The following GRM1 variants were observed in gnomAD, a reference collection of about 807,000 sequenced individuals.
GRM1 encodes glutamate metabotropic receptor 1, also known as metabotropic glutamate receptor 1.
GRM1 carries 33 observed loss-of-function variants against 90.9 expected under a neutral mutation model. The observed-to-expected ratio is 0.36, with a 90% confidence interval of 0.28 to 0.49. The LOEUF (loss-of-function observed/expected upper bound fraction) is 0.49, where lower values mean the gene tolerates loss of function less well. Among genes scored for constraint, GRM1 ranks in the 20% least tolerant of loss-of-function variants. GRM1 has a pLI of 0.99. For synonymous variants in GRM1, 700 were observed against 613.2 expected (o/e 1.14, Z -2.09); for missense variants, 1,190 against 1,534.3 (o/e 0.78, Z 3.75).
intron 2 of GRM1, among the ~76,000 whole-genome samples, chr6:146,184,182 A>C (rs1778643473): frequency 6.6e-6 from 1 of 152,152 alleles, no homozygotes; most frequent in African/African-American, 2.4e-5. Flanking sequence ...GTTTTTCCCT[A>C]ACTTGTTTTA....
At chr6:146,426,519 C>G (rs1047734221) in intron 7 of GRM1, 1 of 1,581,938 alleles carries the variant, frequency 6.3e-7, no homozygotes, top group Non-Finnish European at 8.6e-7. Flanking sequence ...CATGTATAAC[C>G]CCCTCGCTCA....
At chr6:146,377,833 G>A (rs1194098578) in intron 5 of GRM1, among the ~76,000 whole-genome samples, 2 of 152,116 alleles carry the variant, frequency 1.3e-5, no homozygotes, top group African/African-American at 4.8e-5. Flanking sequence ...ATGGGCCAAG[G>A]TAGAGCTCAA....
intron 3 of GRM1, among the ~76,000 whole-genome samples, chr6:146,305,631 G>A (rs1457497503): frequency 6.6e-6 from 1 of 152,136 alleles, no homozygotes; most frequent in Non-Finnish European, 1.5e-5. Context: ...TTCTTACTGG[G>A]TCGATAGCAT....
At chr6:146,405,669 A>AGAGACAGC (rs940778021) in intron 7 of GRM1, among the ~76,000 whole-genome samples, 6 of 151,940 alleles carry the variant, frequency 3.9e-5, no homozygotes, top group African/African-American at 1.5e-4. Context: ...TAGCAATGAT[A>AGAGACAGC]GAGACAGCGA....
intron 1 of GRM1, among the ~76,000 whole-genome samples, chr6:146,098,545 G>A (rs1309052499): frequency 6.6e-6 from 1 of 151,926 alleles, no homozygotes; most frequent in African/African-American, 2.4e-5. Flanking sequence ...ATAACTAAAC[G>A]TGTTGTATAG....
At chr6:146,221,687 T>A (rs1780069165) in intron 2 of GRM1, among the ~76,000 whole-genome samples, 1 of 152,140 alleles carries the variant, frequency 6.6e-6, no homozygotes, top group Non-Finnish European at 1.5e-5. Context: ...GTAGAATGAT[T>A]TATAATCCTT....
At chr6:146,196,168 AAT>A (rs1219084892) in intron 2 of GRM1, among the ~76,000 whole-genome samples, 1 of 152,174 alleles carries the variant, frequency 6.6e-6, no homozygotes, top group Non-Finnish European at 1.5e-5. Flanking sequence ...AGTGATGGGT[AAT>A]TATATGCCTT....
At chr6:146,228,395 C>G (rs1780327116) in intron 2 of GRM1, among the ~76,000 whole-genome samples, 1 of 152,110 alleles carries the variant, frequency 6.6e-6, no homozygotes, top group Non-Finnish European at 1.5e-5. Flanking sequence ...AGGGGTTAGG[C>G]TCACTTTTAT....
At chr6:146,198,753 C>A (rs967461665) in intron 2 of GRM1, among the ~76,000 whole-genome samples, 4 of 152,170 alleles carry the variant, frequency 2.6e-5, no homozygotes, top group African/African-American at 9.7e-5. Context: ...ATGGGCATTC[C>A]TTGTCCCCAG....
chr6:146,216,834 C>T (rs1463129052), intron 2 of GRM1, among the ~76,000 whole-genome samples: 3 of 152,140 alleles, frequency 2.0e-5, no homozygotes, highest in Non-Finnish European at 1.5e-5. Context: ...AGCTAAGCAC[C>T]ACCTGCTGGA....
chr6:146,363,829 G>A (rs1775581705), intron 5 of GRM1, among the ~76,000 whole-genome samples: 1 of 152,142 alleles, frequency 6.6e-6, no homozygotes, highest in Admixed American at 6.5e-5. Context: ...TGCAGTGATC[G>A]AAACATTGCA....
At chr6:146,285,941 T>G (rs1474354823) in intron 2 of GRM1, among the ~76,000 whole-genome samples, 1 of 152,216 alleles carries the variant, frequency 6.6e-6, no homozygotes, top group Non-Finnish European at 1.5e-5. Context: ...GAATGAAATC[T>G]ATATTTAATG....
chr6:146,050,276 G>A (rs959418393), intron 1 of GRM1, among the ~76,000 whole-genome samples: 2 of 151,934 alleles, frequency 1.3e-5, no homozygotes, highest in Admixed American at 6.6e-5. Flanking sequence ...TTCCTTTTCT[G>A]TTTTCTTCAT....
intron 7 of GRM1, among the ~76,000 whole-genome samples, chr6:146,405,402 T>G (rs1261936646): frequency 6.6e-6 from 1 of 152,138 alleles, no homozygotes; most frequent in Non-Finnish European, 1.5e-5. Flanking sequence ...AAAAAGAATG[T>G]GGGAAATAAA....
At chr6:146,051,985 C>A (rs139474440) in intron 1 of GRM1, among the ~76,000 whole-genome samples, 3 of 152,154 alleles carry the variant, frequency 2.0e-5, no homozygotes, top group African/African-American at 7.2e-5. Context: ...ATTTGTAATG[C>A]TGCTTGTAAC....
intron 1 of GRM1, among the ~76,000 whole-genome samples, chr6:146,120,042 T>A (rs1775920960): frequency 6.6e-6 from 1 of 152,224 alleles, no homozygotes; most frequent in African/African-American, 2.4e-5. Context: ...AGTATGGCCA[T>A]TTTCACGATA....
chr6:146,270,849 T>TTCTCTTTCTTTCTTTC (rs1275422494), intron 2 of GRM1, among the ~76,000 whole-genome samples: 3 of 91,756 alleles, frequency 3.3e-5, no homozygotes, highest in South Asian at 3.6e-4. Context: ...CTTTCTTTCT[T>TTCTCTTTCTTTCTTTC]TTTCTTTCTT....
chr6:146,095,903 G>C (rs1465118336), intron 1 of GRM1, among the ~76,000 whole-genome samples: 1 of 152,138 alleles, frequency 6.6e-6, no homozygotes, highest in Non-Finnish European at 1.5e-5. Context: ...CATCTCCAGT[G>C]ATGGTTAACT....
chr6:146,331,634 G>A (rs960102003), intron 3 of GRM1, among the ~76,000 whole-genome samples: 2 of 152,096 alleles, frequency 1.3e-5, no homozygotes, highest in Non-Finnish European at 2.9e-5. Context: ...TCTCTAGCAT[G>A]CTGCTTACTA....
Sources: gnomAD v4.1 joint callset for allele counts (sites outside exome capture counted in the v4.1 genomes callset) on GRCh38, gnomAD v4.1.1 for gene constraint, MANE v1.5 for transcripts, NCBI Gene and HGNC (gene_info 2026-07-23, HGNC 2026-07-21) for gene names.